Variants in BCAS3 observed in about 807,000 individuals in gnomAD.
The protein encoded by BCAS3 is BCAS3 microtubule associated cell migration factor.
In BCAS3, 53 loss-of-function variants were observed where a neutral mutation model predicts 116.1. That is an observed-to-expected ratio of 0.46 (90% CI 0.37 to 0.57). The LOEUF is 0.57. Among genes scored for constraint, BCAS3 ranks in the 20% least tolerant of loss-of-function variants. BCAS3 has a pLI of 0.00. For synonymous variants in BCAS3, 391 were observed against 408.2 expected (o/e 0.96, Z 0.51); for missense variants, 917 against 1,165.4 (o/e 0.79, Z 3.10).
At position 61,368,519 on chromosome 17, in the gene BCAS3, C is replaced by G; in HGVS notation, c.2593+25C>G. The stretch of plus-strand genomic sequence containing the variant: ...GGTAAAGGTGTCATCAGACTTCTAG[C>G]CTGATTTGGTCAGGACCAGCACCTG... On this transcript the variant is annotated intron_variant, in intron 23 of 23. Coordinates refer to ENST00000407086, the MANE Select transcript of BCAS3 (RefSeq NM_017679.5). This position sits in a 1 kb window ranked among gnomAD's most constrained non-coding sequence, Gnocchi z 6.0. The G allele has an allele frequency of 6.3e-7, 1 of 1,576,620 alleles. No individual in the cohort carries two copies. The highest frequency in any genetic ancestry group is 8.7e-7 in the Non-Finnish European group (1 of 1,152,302).
chr17:61,184,268 A>T (rs182909195), intron 22 of BCAS3, among the ~76,000 whole-genome samples: 3 of 152,268 alleles, frequency 2.0e-5, no homozygotes, highest in East Asian at 3.9e-4. Context: ...TGTGCAAAAT[A>T]TGTAGAGAAC....
At chr17:61,009,398 T>C (rs1195411593) in intron 15 of BCAS3, among the ~76,000 whole-genome samples, 2 of 152,102 alleles carry the variant, frequency 1.3e-5, no homozygotes, top group Non-Finnish European at 2.9e-5. Context: ...TCATACCTTC[T>C]GTTCCTAAAG....
chr17:60,850,219 T>C (rs1192454705), intron 7 of BCAS3, among the ~76,000 whole-genome samples: 1 of 152,108 alleles, frequency 6.6e-6, no homozygotes, highest in Non-Finnish European at 1.5e-5. Context: ...TTGTGTGGCA[T>C]TTGAGAAATG....
chr17:60,775,530 C>T (rs1369097064), intron 6 of BCAS3, among the ~76,000 whole-genome samples: 2 of 151,568 alleles, frequency 1.3e-5, no homozygotes, highest in African/African-American at 4.8e-5. Context: ...TGTTACTGTA[C>T]TTTGCAGTTT....
chr17:60,749,717 C>A (rs1446423248), intron 6 of BCAS3, among the ~76,000 whole-genome samples: 1 of 151,830 alleles, frequency 6.6e-6, no homozygotes, highest in Admixed American at 6.6e-5. Flanking sequence ...TATCTAATAC[C>A]CTCCTCCCTT....
chr17:61,248,796 C>G lies in BCAS3; in HGVS notation c.2426-119531C>G, dbSNP rs1040252400. On this transcript the variant is annotated intron_variant, in intron 22 of 23. Coordinates refer to ENST00000407086, the MANE Select transcript of BCAS3 (RefSeq NM_017679.5). The surrounding 1 kb of genome is among the most constrained non-coding windows in gnomAD (Gnocchi z 4.3). Reference sequence around the variant, plus strand: ...GGACAAGATGAGCGACTATTTTAGACCTGTAGGTCAAGAGGTTTGAAGCAG... The same window carrying G: ...GGACAAGATGAGCGACTATTTTAGAGCTGTAGGTCAAGAGGTTTGAAGCAG... Among the ~76,000 whole-genome samples the G allele has an allele frequency of 6.6e-6, 1 of 152,174 alleles. No homozygotes were observed. Among genetic ancestry groups the G allele is most frequent in the African/African-American group, 2.4e-5 (1 of 41,438 alleles).
chr17:61,358,700 T>C (rs139780709), intron 22 of BCAS3, among the ~76,000 whole-genome samples: 169 of 151,986 alleles, frequency 1.1e-3, no homozygotes, highest in African/African-American at 3.8e-3. Flanking sequence ...TTTCCCATGT[T>C]GGCCAGGCTG....
intron 22 of BCAS3, among the ~76,000 whole-genome samples, chr17:61,086,400 C>T (rs1229208987): frequency 6.6e-6 from 1 of 152,136 alleles, no homozygotes; most frequent in African/African-American, 2.4e-5. Flanking sequence ...GCCAACATTC[C>T]ATATTTATCA....
chr17:61,336,948 A>C (rs1381875961), intron 22 of BCAS3, among the ~76,000 whole-genome samples: 2 of 152,064 alleles, frequency 1.3e-5, no homozygotes, highest in Non-Finnish European at 2.9e-5. Context: ...CCCTGTCTCT[A>C]CTAAAAATAC....
chr17:60,823,414 T>C (rs575907698), intron 7 of BCAS3, among the ~76,000 whole-genome samples: 1 of 152,146 alleles, frequency 6.6e-6, no homozygotes, highest in Non-Finnish European at 1.5e-5. Context: ...TAGAGAGGAT[T>C]GAGGGCTGGC....
intron 22 of BCAS3, among the ~76,000 whole-genome samples, chr17:61,172,510 G>A (rs2078898909): frequency 6.6e-6 from 1 of 151,306 alleles, no homozygotes; most frequent in Non-Finnish European, 1.5e-5. Flanking sequence ...AGTGGCTGGC[G>A]CCTGTAGTCC....
At chr17:60,775,372 A>G (rs1006662369) in intron 6 of BCAS3, among the ~76,000 whole-genome samples, 10 of 152,184 alleles carry the variant, frequency 6.6e-5, no homozygotes, top group African/African-American at 2.4e-4. Context: ...CTTGCCTTTC[A>G]GAGTCTGGCA....
In BCAS3 at chr17:60,895,957, A is replaced by G. The variant is rs1356624099; in HGVS notation, c.738+6186A>G. On this transcript the variant is annotated intron_variant, in intron 10 of 23. Coordinates refer to ENST00000407086, the MANE Select transcript of BCAS3 (RefSeq NM_017679.5). ...TATGGTCTATCATGGAGAATGTTCT[A>G]TGGGCTAAGAATGTATATTCTGCAG... 7.9e-5 allele frequency among the ~76,000 whole-genome samples: 12 copies of G among 152,322 alleles called. No homozygotes were observed. In the South Asian group the frequency reaches 1.5e-3, roughly 18 times the overall value.
intron 22 of BCAS3, among the ~76,000 whole-genome samples, chr17:61,338,309 TA>T (rs2056877599): frequency 6.6e-6 from 1 of 152,234 alleles, no homozygotes; most frequent in South Asian, 2.1e-4. Context: ...CAAATTCTTC[TA>T]AACCTTTACT....
intron 22 of BCAS3, among the ~76,000 whole-genome samples, chr17:61,108,969 C>T (rs2074867643): frequency 6.6e-6 from 1 of 151,990 alleles, no homozygotes; most frequent in Non-Finnish European, 1.5e-5. Context: ...GGGCGGATCA[C>T]GAGGTCAAGA....
At chr17:60,868,732 C>T (rs1450199067) in intron 8 of BCAS3, 49 bp downstream of exon 8, 11 of 1,167,744 alleles carry the variant, frequency 9.4e-6, no homozygotes, top group Middle Eastern at 2.0e-4. Flanking sequence ...AACATGCTCT[C>T]CTGGGCATGG....
chr17:60,973,621 C>T (rs1051633576), intron 14 of BCAS3, among the ~76,000 whole-genome samples: 1 of 143,514 alleles, frequency 7.0e-6, no homozygotes. Context: ...ATGAAGGAGT[C>T]TTGCTCTGTC....
At position 60,747,274 on chromosome 17, in the gene BCAS3, A is replaced by T. The variant is rs781644914; in HGVS notation, c.398A>T (p.Gln133Leu). ...GCGGCTAGAATCTTGCCTGCTCCAC[A>T]GTTTGGTGAGTGTAGTCCTTAAGAA... ...IRAARILPAP[Q>L]FGAQKCDNFA... is the part of the protein sequence containing the mutation. Residue 133 changes from glutamine (Q) to leucine (L), a missense_variant, in exon 6 of 24, where the codon CAG (glutamine) becomes CTG (leucine). Physicochemically the swap from Gln to Leu is moderately radical, Grantham distance 113. Around this residue, in one of 3 missense-constraint regions of BCAS3, gnomAD observed 807 missense variants for 1,026.0 expected, o/e 0.79. Transcript: ENST00000407086. 2 of 1,611,672 alleles carry T rather than the reference A, an allele frequency of 1.2e-6. No homozygotes were observed. Among genetic ancestry groups the T allele is most frequent in the Non-Finnish European group, 1.7e-6 (2 of 1,178,034 alleles).
At chr17:61,197,547 C>T (rs572971935) in intron 22 of BCAS3, among the ~76,000 whole-genome samples, 5 of 152,268 alleles carry the variant, frequency 3.3e-5, no homozygotes, top group East Asian at 1.9e-4. Flanking sequence ...TAGCCTTACT[C>T]GTGGAATGTC....
Sources: gnomAD v4.1 joint callset for allele counts (sites outside exome capture counted in the v4.1 genomes callset) on GRCh38, gnomAD v4.1.1 for gene constraint, gnomAD v4.1.1 regional missense constraint, Gnocchi (gnomAD v3.1) non-coding constraint, MANE v1.5 for transcripts, NCBI Gene and HGNC (gene_info 2026-07-23, HGNC 2026-07-21) for gene names.